Variants in NRROS observed in about 807,000 individuals in gnomAD.
NRROS encodes the protein transforming growth factor beta activator LRRC33.
A neutral mutation model predicts 12.0 loss-of-function variants in NRROS; 6 were observed. The observed-to-expected ratio is 0.50, with a 90% confidence interval of 0.27 to 0.98. The LOEUF (loss-of-function observed/expected upper bound fraction) is 0.98. NRROS is among the 50% of genes least tolerant of loss of function. The pLI is 0.11. For missense variants in NRROS, 857 were observed against 888.2 expected (o/e 0.96, Z 0.45); for synonymous variants, 462 against 410.2 (o/e 1.13, Z -1.53).
chr3:196,645,705 G>A (rs1398748051), intron 1 of NRROS, among the ~76,000 whole-genome samples: 1 of 151,998 alleles, frequency 6.6e-6, no homozygotes, highest in African/African-American at 2.4e-5. Context: ...CCAAGTAGTC[G>A]GGGTGGGGGG....
At chr3:196,659,680 G>C in intron 2 of NRROS, 72 bp from the exon 3 acceptor site, 1 of 1,468,128 alleles carries the variant, frequency 6.8e-7, no homozygotes, top group Middle Eastern at 1.8e-4. Context: ...TCTGATAAGT[G>C]AACTAAGTTT....
intron 1 of NRROS, among the ~76,000 whole-genome samples, chr3:196,649,222 G>C (rs1394442231): frequency 6.6e-6 from 1 of 152,168 alleles, no homozygotes; most frequent in Non-Finnish European, 1.5e-5. Context: ...TCACAGACTG[G>C]GGGTTGGTTT....
In NRROS at chr3:196,661,041, C is replaced by G. The variant is rs770277631; in HGVS notation, c.1398C>G (p.Ser466Arg). 13 of 1,614,034 alleles carry G rather than the reference C, an allele frequency of 8.1e-6. No individual in the cohort carries two copies. The highest frequency in any genetic ancestry group is 8.5e-6 in the Non-Finnish European group (10 of 1,180,028). ...TCAGGAATATGGCATCTTTAAGGAG[C>G]CTGTCTCTGGAGGGCTGTGGCCTGG... ...VDFRNMASLR[S>R]LSLEGCGLGA... is the part of the protein sequence containing the mutation. The change falls in exon 3 of 3, where the codon AGC becomes AGG. Residue 466 changes from serine (S) to arginine (R), a missense_variant. By Grantham distance (110) the Ser-to-Arg change is moderately radical. Coordinates refer to ENST00000328557, the MANE Select transcript of NRROS (RefSeq NM_198565.3).
intron 1 of NRROS, among the ~76,000 whole-genome samples, chr3:196,641,371 GC>G (rs1219087999): frequency 6.6e-6 from 1 of 151,974 alleles, no homozygotes; most frequent in Non-Finnish European, 1.5e-5. Flanking sequence ...ACACCACCAT[GC>G]CAGCTAATTT....
Position 196,658,211 on chromosome 3 carries a change from CAG to C in NRROS, c.109-1540_109-1539del, listed in dbSNP as rs889259990. On this transcript the variant is annotated intron_variant, in intron 2 of 2. Coordinates refer to ENST00000328557, the MANE Select transcript of NRROS (RefSeq NM_198565.3). ...CAATAAGTCCGTCATACTTTATTGACAGGGGGAGAAAAATAGGTTACTGAACA... is the reference window on the plus strand; with the variant it reads ...CAATAAGTCCGTCATACTTTATTGACGGGGAGAAAAATAGGTTACTGAACA... 1.1e-4 allele frequency among the ~76,000 whole-genome samples: 16 copies of C among 152,278 alleles called. No homozygotes were observed. In the East Asian group the frequency reaches 1.3e-3, roughly 13 times the overall value.
At chr3:196,650,495 G>A (rs1355092411) in intron 1 of NRROS, among the ~76,000 whole-genome samples, 2 of 151,958 alleles carry the variant, frequency 1.3e-5, no homozygotes, top group Admixed American at 6.6e-5. Context: ...GCTCAGGCTG[G>A]TCTCGAACTC....
rs13084645 is a variant in NRROS at position 196,661,530 on chromosome 3, C to A, written c.1887C>A (p.Arg629=). ...VTCNLSSKII[R]VTELPGGVPR... ...GCAACCTCTCCTCCAAGATCATCCG[C>A]GTGACGGAGCTGCCCGGAGGTGTGC... Residue 629 remains arginine (R), a synonymous_variant, in exon 3 of 3, where the codon CGC becomes CGA. Coordinates refer to ENST00000328557, the MANE Select transcript of NRROS (RefSeq NM_198565.3). 1.7e-5 allele frequency: 28 copies of A among 1,613,598 alleles called. No homozygotes were observed. Among genetic ancestry groups the A allele is most frequent in the Non-Finnish European group, 1.8e-5 (21 of 1,179,772 alleles).
At chr3:196,646,539 C>A (rs1013206134) in intron 1 of NRROS, among the ~76,000 whole-genome samples, 1 of 152,226 alleles carries the variant, frequency 6.6e-6, no homozygotes, top group Non-Finnish European at 1.5e-5. Context: ...ACGAGGTGGG[C>A]TGACCTCTGA....
At chr3:196,645,125 A>G (rs1253622526) in intron 1 of NRROS, among the ~76,000 whole-genome samples, 1 of 152,252 alleles carries the variant, frequency 6.6e-6, no homozygotes, top group South Asian at 2.1e-4. Context: ...TAGGAAATGT[A>G]GCTACCTATA....
At position 196,661,144 on chromosome 3, in the gene NRROS, G is replaced by T; in HGVS notation, c.1501G>T (p.Gly501Trp). Residue 501 changes from glycine (G) to tryptophan (W), a missense_variant, in exon 3 of 3, where the codon GGG becomes TGG. Physicochemically the swap from Gly to Trp is radical, Grantham distance 184 (BLOSUM62 -2). Coordinates refer to ENST00000328557, the MANE Select transcript of NRROS (RefSeq NM_198565.3). The stretch of plus-strand genomic sequence containing the variant: ...CTCAAGCAACTGGGGGGTTCTGAAT[G>T]GGAGCCTCGCCCCACTCCAGGATGT... ...DLSSNWGVLN[G>W]SLAPLQDVAP... is the part of the protein sequence containing the mutation. The T allele has an allele frequency of 6.2e-7, 1 of 1,612,782 alleles. No individual in the cohort carries two copies. The highest frequency in any genetic ancestry group is 8.5e-7 in the Non-Finnish European group (1 of 1,179,090).
At chr3:196,653,929 C>T (rs1577633236) in intron 1 of NRROS, among the ~76,000 whole-genome samples, 1 of 152,182 alleles carries the variant, frequency 6.6e-6, no homozygotes, top group Non-Finnish European at 1.5e-5. Flanking sequence ...TTCATTTTCC[C>T]TCCGTGTTTC....
Position 196,661,140 on chromosome 3 carries a change from G to C in NRROS, c.1497G>C (p.Leu499=), listed in dbSNP as rs778206985. Residue 499 remains leucine (L), a synonymous_variant, in exon 3 of 3, where the codon CTG becomes CTC. Coordinates refer to ENST00000328557, the MANE Select transcript of NRROS (RefSeq NM_198565.3). ...ACCTCTCAAGCAACTGGGGGGTTCT[G>C]AATGGGAGCCTCGCCCCACTCCAGG... ...YLDLSSNWGV[L]NGSLAPLQDV... The C allele has an allele frequency of 6.2e-7, 1 of 1,612,928 alleles. No individual in the cohort carries two copies. The highest frequency in any genetic ancestry group is 8.5e-7 in the Non-Finnish European group (1 of 1,179,172).
intron 1 of NRROS, among the ~76,000 whole-genome samples, chr3:196,649,978 CA>C (rs1182070566): frequency 2.0e-5 from 3 of 152,036 alleles, no homozygotes; most frequent in Non-Finnish European, 4.4e-5. Context: ...TAGTAGCAGT[CA>C]GGGGAGGTGG....
At chr3:196,656,970 G>A (rs758925634) in intron 2 of NRROS, among the ~76,000 whole-genome samples, 5 of 151,982 alleles carry the variant, frequency 3.3e-5, no homozygotes, top group African/African-American at 4.8e-5. Context: ...TTGGGAGGCC[G>A]AAGCAGGCAG....
chr3:196,648,370 C>T (rs527329747), intron 1 of NRROS, among the ~76,000 whole-genome samples: 2 of 152,274 alleles, frequency 1.3e-5, no homozygotes, highest in Admixed American at 6.5e-5. Flanking sequence ...GCTTGTTATC[C>T]GACCTGCAGA....
intron 2 of NRROS, among the ~76,000 whole-genome samples, chr3:196,657,597 C>T (rs1201004516): frequency 2.0e-5 from 3 of 151,490 alleles, no homozygotes; most frequent in Non-Finnish European, 2.9e-5. Flanking sequence ...ATCCCAGCTA[C>T]GTGGGAGGCT....
rs753540429 is a variant in NRROS, at chr3:196,660,548, A to C, written c.905A>C (p.Gln302Pro). ...TCGTCGCCGAGGGAGATGGTGGCCC[A>C]GTTCCTCCTCGTGGACGGCAACGTG... ...NTSSPREMVA[Q>P]FLLVDGNVTN... is the part of the protein sequence containing the mutation. The change falls in exon 3 of 3, where the codon CAG (glutamine) becomes CCG (proline). Residue 302 changes from glutamine (Q) to proline (P), a missense_variant. Coordinates refer to ENST00000328557, the MANE Select transcript of NRROS (RefSeq NM_198565.3). The surrounding 1 kb of genome is among the most constrained non-coding windows in gnomAD (Gnocchi z 7.7). The C allele has an allele frequency of 1.2e-6, 2 of 1,614,134 alleles. No homozygotes were observed. The highest frequency in any genetic ancestry group is 2.2e-5 in the South Asian group (2 of 91,080).
intron 2 of NRROS, among the ~76,000 whole-genome samples, chr3:196,656,860 C>G (rs951982109): frequency 6.6e-6 from 1 of 152,086 alleles, no homozygotes; most frequent in Non-Finnish European, 1.5e-5. Context: ...ATTGGAGAGT[C>G]TGGGTGCCCT....
In NRROS at chr3:196,654,787, G is replaced by C; in HGVS notation, c.108+140G>C. 1 of 610,088 alleles carries C rather than the reference G, an allele frequency of 1.6e-6. No homozygotes were observed. Among genetic ancestry groups the C allele is most frequent in the East Asian group, 2.8e-5 (1 of 35,678 alleles). The allele number at this position is 610,088 out of a possible 1,614,324, so 37.8% of individuals were successfully genotyped here. On this transcript the variant is annotated intron_variant, in intron 2 of 2. Transcript: ENST00000328557. This position sits in a 1 kb window ranked among gnomAD's most constrained non-coding sequence, Gnocchi z 4.4. The stretch of plus-strand genomic sequence containing the variant: ...TCACTCTGTGCCTGCCTAGCACAGG[G>C]GCATGTGCAGCTGCCCTTTAACCAC...
Sources: allele counts gnomAD v4.1 joint callset (sites outside exome capture counted in the v4.1 genomes callset), GRCh38; gene constraint gnomAD v4.1.1; non-coding constraint Gnocchi (gnomAD v3.1); transcripts MANE v1.5; gene names NCBI Gene and HGNC (gene_info 2026-07-23, HGNC 2026-07-21).